PHACTR4: variants seen among roughly 807,000 people sequenced by gnomAD.
The protein encoded by PHACTR4 is protein phosphatase 1, regulatory subunit 124.
Under a neutral mutation model 72.7 loss-of-function variants are expected in PHACTR4, and 51 were observed. The ratio of observed to expected loss-of-function variants is 0.70; its 90% CI spans 0.56 to 0.89. The LOEUF is 0.89. PHACTR4 is among the 40% of genes least tolerant of loss of function. PHACTR4 has a pLI of 0.00. For synonymous variants in PHACTR4, 255 were observed against 302.5 expected (o/e 0.84, Z 1.63); for missense variants, 731 against 861.8 (o/e 0.85, Z 1.90).
rs543457235 is a variant in PHACTR4 at position 28,452,813 on chromosome 1, A to C, written c.17-6272A>C. 6.7e-5 allele frequency among the ~76,000 whole-genome samples: 10 copies of C among 148,544 alleles called. No homozygotes were observed. In the South Asian group the frequency reaches 1.3e-3, roughly 19 times the overall value. The stretch of plus-strand genomic sequence containing the variant: ...TCCATCTCAAAAAATAAAAAATACA[A>C]ACAAATAATAAAAATAAAAATAAGT... On this transcript the variant is annotated intron_variant, in intron 2 of 13. Coordinates refer to ENST00000373839, the MANE Select transcript of PHACTR4 (RefSeq NM_001048183.3).
rs527929636 is a variant in PHACTR4, at chr1:28,419,769, A to G, written c.16+12306A>G. Among the ~76,000 whole-genome samples the G allele has an allele frequency of 1.1e-4, 16 of 152,364 alleles. No homozygotes were observed. In the East Asian group the frequency reaches 3.1e-3, roughly 29 times the overall value. Reference sequence around the variant, plus strand: ...TGTATTTTTATTCTTAAATACTTAAATAATATCAACATCTGCATTTCTACC... The same window carrying G: ...TGTATTTTTATTCTTAAATACTTAAGTAATATCAACATCTGCATTTCTACC... On this transcript the variant is annotated intron_variant, in intron 2 of 13. Transcript: ENST00000373839.
intron 1 of PHACTR4, among the ~76,000 whole-genome samples, chr1:28,401,571 T>G (rs545241411): frequency 5.3e-5 from 8 of 151,972 alleles, no homozygotes; most frequent in Non-Finnish European, 1.0e-4. Context: ...CCTCCCAAAA[T>G]GCTAGGAGTA....
At chr1:28,397,885 T>G (rs989775677) in intron 1 of PHACTR4, among the ~76,000 whole-genome samples, 1 of 151,862 alleles carries the variant, frequency 6.6e-6, no homozygotes, top group African/African-American at 2.4e-5. Context: ...GTTGTTGTTT[T>G]TGTATTTTTA....
rs1201186368 is a variant in PHACTR4, at chr1:28,498,054, A to T, written c.*1505A>T. The T allele has an allele frequency of 6.6e-6, 1 of 152,000 alleles. No individual in the cohort carries two copies. Among genetic ancestry groups the T allele is most frequent in the Non-Finnish European group, 1.5e-5 (1 of 68,026 alleles). 9.4% of individuals were successfully genotyped at this position (152,000 alleles called of 1,614,324 possible). On this transcript the variant is annotated 3_prime_UTR_variant, in exon 14 of 14. Transcript: ENST00000373839. ...ACGTGGCAGAAAACTAGCAGGTTAC[A>T]TTTTATAGGCTATTGTAGTTTTATT...
intron 9 of PHACTR4, among the ~76,000 whole-genome samples, chr1:28,482,144 G>A (rs977526041): frequency 2.6e-5 from 4 of 152,006 alleles, no homozygotes; most frequent in African/African-American, 7.2e-5. Flanking sequence ...TGATCTGCCC[G>A]CCTTCGACTC....
intron 8 of PHACTR4, among the ~76,000 whole-genome samples, chr1:28,479,599 AAAG>A (rs1312750790): frequency 6.7e-6 from 1 of 150,284 alleles, no homozygotes; most frequent in Non-Finnish European, 1.5e-5. Context: ...AAAAAAAAAA[AAAG>A]AGGCCAGGCG....
intron 1 of PHACTR4, among the ~76,000 whole-genome samples, chr1:28,372,280 C>A (rs1651307111): frequency 6.6e-6 from 1 of 152,086 alleles, no homozygotes; most frequent in South Asian, 2.1e-4. Flanking sequence ...GCCAGGAGGA[C>A]CCCTTTACAT....
At chr1:28,410,076 C>T (rs1455484116) in intron 2 of PHACTR4, among the ~76,000 whole-genome samples, 3 of 148,854 alleles carry the variant, frequency 2.0e-5, no homozygotes, top group African/African-American at 5.0e-5. Context: ...AAGCCATTCT[C>T]CTGCCTCAGC....
chr1:28,466,694 C>G lies in PHACTR4; in HGVS notation c.749C>G (p.Thr250Ser). 7 of 1,614,102 alleles carry G rather than the reference C, an allele frequency of 4.3e-6. No individual in the cohort carries two copies. The highest frequency in any genetic ancestry group is 5.9e-6 in the Non-Finnish European group (7 of 1,180,018). Reference sequence around the variant, plus strand: ...AACACTACTGCTACCCCAAGCCTCACTCATATGGTCCCTGCCAAGCAGCCC... The same window carrying G: ...AACACTACTGCTACCCCAAGCCTCAGTCATATGGTCCCTGCCAAGCAGCCC... ...STNTTATPSL[T>S]HMVPAKQPPI... is the part of the protein sequence containing the mutation. Residue 250 changes from threonine to serine, a missense_variant, in exon 6 of 14, where the codon ACT becomes AGT. By Grantham distance (58) the Thr-to-Ser change is moderately conservative. Coordinates refer to ENST00000373839, the MANE Select transcript of PHACTR4 (RefSeq NM_001048183.3).
chr1:28,465,654 C>T, intron 4 of PHACTR4, 31 bp from the exon 5 acceptor site: 1 of 1,586,406 alleles, frequency 6.3e-7, no homozygotes, highest in Non-Finnish European at 8.5e-7. Context: ...ATGCCAACTT[C>T]ATCACTTTGT....
At chr1:28,372,745 G>C (rs567013234) in intron 1 of PHACTR4, among the ~76,000 whole-genome samples, 15 of 151,722 alleles carry the variant, frequency 9.9e-5, no homozygotes, top group African/African-American at 3.6e-4. Flanking sequence ...CCAGCTACTT[G>C]GGAGGCTGAG....
intron 9 of PHACTR4, among the ~76,000 whole-genome samples, chr1:28,488,405 G>T (rs1469876676): frequency 6.6e-6 from 1 of 152,226 alleles, no homozygotes; most frequent in African/African-American, 2.4e-5. Context: ...GCTGAGGCAG[G>T]AGAATGTCAT....
chr1:28,453,963 CT>C, intron 2 of PHACTR4: 1 of 570,966 alleles, frequency 1.8e-6, no homozygotes. Context: ...CGCCCGTAAT[CT>C]TAGCACTTTG....
At chr1:28,459,396 T>A (rs2124468167) in intron 3 of PHACTR4, 138 bp downstream of exon 3, 348 of 104,166 alleles carry the variant, frequency 3.3e-3, no homozygotes, top group Middle Eastern at 0.011. Flanking sequence ...TTCCTTCTTC[T>A]TTTTTTTTTT....
intron 9 of PHACTR4, among the ~76,000 whole-genome samples, chr1:28,481,798 A>G (rs183815888): frequency 0.021 from 3,190 of 148,702 alleles, 132 homozygotes; most frequent in African/African-American, 0.078. Context: ...TAAAAAAAAA[A>G]AAAAGAAAAG....
At chr1:28,387,290 TCAAA>T (rs1652634041) in intron 1 of PHACTR4, among the ~76,000 whole-genome samples, 1 of 147,214 alleles carries the variant, frequency 6.8e-6, no homozygotes, top group African/African-American at 2.5e-5. Context: ...ATTAGAGCCC[TCAAA>T]CAGTTTTCCC....
chr1:28,476,962 G>A (rs1410394357), intron 8 of PHACTR4, among the ~76,000 whole-genome samples: 1 of 150,734 alleles, frequency 6.6e-6, no homozygotes, highest in Non-Finnish European at 1.5e-5. Context: ...TAGAGATGGG[G>A]CTTCACCATG....
At chr1:28,451,622 A>T (rs1657979725) in intron 2 of PHACTR4, among the ~76,000 whole-genome samples, 2 of 151,322 alleles carry the variant, frequency 1.3e-5, no homozygotes, top group African/African-American at 4.9e-5. Flanking sequence ...AGATCTAATC[A>T]GCCACTGCTA....
chr1:28,447,689 G>A (rs1005748606), intron 2 of PHACTR4, among the ~76,000 whole-genome samples: 2 of 152,046 alleles, frequency 1.3e-5, no homozygotes, highest in African/African-American at 4.8e-5. Context: ...AGAACAGTGT[G>A]CACATTAAGT....
Sources: allele counts gnomAD v4.1 joint callset (sites outside exome capture counted in the v4.1 genomes callset), GRCh38; gene constraint gnomAD v4.1.1; transcripts MANE v1.5; gene names NCBI Gene and HGNC (gene_info 2026-07-23, HGNC 2026-07-21).